The following GLCCI1 variants were observed in gnomAD, a reference collection of about 807,000 sequenced individuals.
The protein encoded by GLCCI1 is glucocorticoid-induced transcript 1 protein.
In GLCCI1, 24 loss-of-function variants were observed where a neutral mutation model predicts 52.2. The observed-to-expected ratio is 0.46, with a 90% CI of 0.33 to 0.65. The LOEUF is 0.65. GLCCI1 is among the 30% of genes least tolerant of loss of function. The pLI is 0.02. For synonymous variants in GLCCI1, 310 were observed against 276.5 expected (o/e 1.12, Z -1.20); for missense variants, 704 against 701.5 (o/e 1.00, Z -0.04).
At position 8,009,861 on chromosome 7, in the gene GLCCI1, T is replaced by A. The variant is rs79175449; in HGVS notation, c.609+5802T>A. 2.9e-3 allele frequency among the ~76,000 whole-genome samples: 423 copies of A among 147,466 alleles called. 5 individuals carry two copies. Among genetic ancestry groups the A allele is most frequent in the African/African-American group, 9.5e-3 (353 of 37,124 alleles). On this transcript the variant is annotated intron_variant, in intron 2 of 7. Transcript: ENST00000223145. ...TGTTATTTTTATTAATTAAAAGCTT[T>A]TCAAAAGATTCAGTGTGGACGTAAA... is the stretch of plus-strand genomic sequence containing the variant.
intron 3 of GLCCI1, chr7:8,024,750 C>T (rs1320468128): frequency 1.3e-5 from 2 of 152,212 alleles, no homozygotes; most frequent in African/African-American, 4.8e-5. Context: ...ACTGTCAAAA[C>T]AACTGTTTGA....
intron 1 of GLCCI1, among the ~76,000 whole-genome samples, chr7:7,978,613 G>A (rs1780546507): frequency 6.6e-6 from 1 of 152,092 alleles, no homozygotes; most frequent in Non-Finnish European, 1.5e-5. Flanking sequence ...AGTAACATTA[G>A]AAATTGTGTT....
At chr7:8,054,907 A>AAT (rs1782350462) in intron 3 of GLCCI1, among the ~76,000 whole-genome samples, 1 of 151,756 alleles carries the variant, frequency 6.6e-6, no homozygotes, top group East Asian at 1.9e-4. Context: ...ATTACAGAGT[A>AAT]ATATATATAG....
intron 1 of GLCCI1, chr7:7,981,950 A>C (rs1780630662): frequency 2.3e-6 from 1 of 441,514 alleles, no homozygotes; most frequent in Non-Finnish European, 4.6e-6. Context: ...AAGAAGATGA[A>C]GACTACATAC....
chr7:8,000,441 CAGAA>C (rs1781029828), intron 1 of GLCCI1, among the ~76,000 whole-genome samples: 1 of 151,968 alleles, frequency 6.6e-6, no homozygotes, highest in African/African-American at 2.4e-5. Context: ...AACAATAAAA[CAGAA>C]AGCAATTAGC....
At chr7:8,079,015 G>A (rs1782934578) in intron 6 of GLCCI1, among the ~76,000 whole-genome samples, 1 of 152,044 alleles carries the variant, frequency 6.6e-6, no homozygotes, top group East Asian at 1.9e-4. Context: ...ATTTTGCTTT[G>A]CCTTCTCTTT....
intron 2 of GLCCI1, among the ~76,000 whole-genome samples, chr7:8,005,997 C>T (rs1422391050): frequency 3.9e-5 from 6 of 152,176 alleles, no homozygotes; most frequent in African/African-American, 1.4e-4. Flanking sequence ...GGGGTTTCAC[C>T]ATGTTAGTCA....
At chr7:8,060,757 A>G (rs1009147610) in intron 5 of GLCCI1, among the ~76,000 whole-genome samples, 2 of 152,186 alleles carry the variant, frequency 1.3e-5, no homozygotes, top group Non-Finnish European at 2.9e-5. Flanking sequence ...GTTTTTGGCT[A>G]TTGTGAATAA....
chr7:8,019,329 G>A (rs1477539728), intron 2 of GLCCI1, among the ~76,000 whole-genome samples: 2 of 152,142 alleles, frequency 1.3e-5, no homozygotes, highest in Non-Finnish European at 2.9e-5. Context: ...AATCTAAATA[G>A]GCACATGTGG....
chr7:8,023,742 A>C (rs1259195671), intron 3 of GLCCI1, among the ~76,000 whole-genome samples: 1 of 151,086 alleles, frequency 6.6e-6, no homozygotes, highest in African/African-American at 2.4e-5. Flanking sequence ...GGGATTACAG[A>C]TATGTGCCAC....
At chr7:8,015,422 G>T (rs886211730) in intron 2 of GLCCI1, among the ~76,000 whole-genome samples, 1 of 152,210 alleles carries the variant, frequency 6.6e-6, no homozygotes, top group Non-Finnish European at 1.5e-5. Flanking sequence ...CATTTTAGGG[G>T]CTGGGGGACT....
intron 1 of GLCCI1, chr7:7,970,519 AACTTATTTGT>A (rs1377583255): frequency 2.6e-5 from 4 of 152,428 alleles, no homozygotes; most frequent in African/African-American, 7.3e-5. Flanking sequence ...AATTTCTGAA[AACTTATTTGT>A]GGAACGTGTT....
At chr7:7,989,146 C>A (rs1223989647) in intron 1 of GLCCI1, among the ~76,000 whole-genome samples, 2 of 152,072 alleles carry the variant, frequency 1.3e-5, no homozygotes, top group African/African-American at 4.8e-5. Flanking sequence ...TGTGATAAGG[C>A]ACTAATTTTT....
rs1472811200 is a variant in GLCCI1 at position 8,088,537 on chromosome 7, G to A, written c.*1999G>A. On this transcript the variant is annotated 3_prime_UTR_variant, in exon 8 of 8. Transcript: ENST00000223145. The stretch of plus-strand genomic sequence containing the variant: ...TATATTTTGTAGATTATGGTTAAAG[G>A]GGGAAAATTACTAGTTCCGTAAGAT... 6.6e-6 allele frequency: 1 copy of A among 152,518 alleles called. No individual in the cohort carries two copies. Among genetic ancestry groups the A allele is most frequent in the African/African-American group, 2.4e-5 (1 of 41,410 alleles). The allele number at this position is 152,518 out of a possible 1,614,324, so 9.4% of individuals were successfully genotyped here.
chr7:8,019,676 T>C (rs1342785527), intron 2 of GLCCI1, among the ~76,000 whole-genome samples: 1 of 152,194 alleles, frequency 6.6e-6, no homozygotes, highest in African/African-American at 2.4e-5. Context: ...ACACTGAGGC[T>C]ATGTGGCATA....
intron 1 of GLCCI1, among the ~76,000 whole-genome samples, chr7:7,996,804 G>C (rs1780947362): frequency 1.3e-5 from 2 of 152,154 alleles, no homozygotes; most frequent in South Asian, 4.1e-4. Flanking sequence ...CAGCCATATG[G>C]TCATTTCTGC....
At chr7:8,033,730 A>C (rs1004510701) in intron 3 of GLCCI1, among the ~76,000 whole-genome samples, 4 of 152,188 alleles carry the variant, frequency 2.6e-5, no homozygotes. Flanking sequence ...GATGAAATTT[A>C]TAAGGATTTA....
chr7:8,030,258 C>T (rs1247005705), intron 3 of GLCCI1, among the ~76,000 whole-genome samples: 1 of 152,110 alleles, frequency 6.6e-6, no homozygotes, highest in East Asian at 1.9e-4. Flanking sequence ...AAAATGAGCT[C>T]ATTTTTGACA....
rs28769096 is a variant in GLCCI1, at chr7:8,011,847, G to T, written c.609+7788G>T. ...TGTTTGTTTTTTGAGATGGAGTCTC[G>T]CTGTGTCGCCCAGGCAGGAATGCAG... is the stretch of plus-strand genomic sequence containing the variant. On this transcript the variant is annotated intron_variant, in intron 2 of 7. Transcript: ENST00000223145. 2.0e-3 allele frequency among the ~76,000 whole-genome samples: 297 copies of T among 151,598 alleles called. 1 individual carries two copies. The highest frequency in any genetic ancestry group is 6.9e-3 in the African/African-American group (287 of 41,308).
Sources: gnomAD v4.1 joint callset for allele counts (sites outside exome capture counted in the v4.1 genomes callset) on GRCh38, gnomAD v4.1.1 for gene constraint, MANE v1.5 for transcripts, NCBI Gene and HGNC (gene_info 2026-07-23, HGNC 2026-07-21) for gene names.